ATF7IP2: variants seen among roughly 807,000 people sequenced by gnomAD.
ATF7IP2 encodes the protein activating transcription factor 7-interacting protein 2.
A neutral mutation model predicts 64.2 loss-of-function variants in ATF7IP2; 42 were observed. That is an observed-to-expected ratio of 0.65 (90% CI 0.51 to 0.85). The LOEUF (loss-of-function observed/expected upper bound fraction) is 0.85, where lower values mean the gene tolerates loss of function less well. ATF7IP2 is among the 40% of genes least tolerant of loss of function. The probability of loss-of-function intolerance (pLI) is 0.00; values close to 1 mark genes in which losing one functional copy is unlikely to be tolerated. For synonymous variants in ATF7IP2, 308 were observed against 272.8 expected, an observed-to-expected ratio of 1.13 and a Z score of -1.27; for missense variants, 933 against 784.2, an observed-to-expected ratio of 1.19 and a Z score of -2.27.
chr16:10,465,926 A>G (rs1348137598), intron 9 of ATF7IP2, among the ~76,000 whole-genome samples: 3 of 152,164 alleles, frequency 2.0e-5, no homozygotes, highest in African/African-American at 7.2e-5. Context: ...GTTGACATGT[A>G]ATATCTACTA....
rs189197049 is a variant in ATF7IP2, at chr16:10,467,347, G to A, written c.1353-4763G>A. ...AATAGCAATAATTTGAAGTACTGTA[G>A]CTTCAACCAAAGAAAAATTAAGTGA... is the stretch of plus-strand genomic sequence containing the variant. On this transcript the variant is annotated intron_variant, in intron 9 of 13. Transcript: ENST00000562102. 3.1e-4 allele frequency among the ~76,000 whole-genome samples: 47 copies of A among 152,194 alleles called. 1 individual carries two copies. Among genetic ancestry groups the A allele is most frequent in the Admixed American group, 2.7e-3 (41 of 15,286 alleles).
Position 10,480,081 on chromosome 16 carries a change from C to T in ATF7IP2, c.1550-798C>T, listed in dbSNP as rs900275900. On this transcript the variant is annotated intron_variant, in intron 12 of 13. Transcript: ENST00000562102. Reference sequence around the variant, plus strand: ...TTGGCTCACTTCAACCTCCACCTCCCGGGTTTAAGCAATTCTCTGTCTCAG... The same window carrying T: ...TTGGCTCACTTCAACCTCCACCTCCTGGGTTTAAGCAATTCTCTGTCTCAG... Among the ~76,000 whole-genome samples, 6 of 145,852 alleles carry T rather than the reference C, an allele frequency of 4.1e-5. No individual in the cohort carries two copies. In the East Asian group the frequency reaches 8.1e-4, roughly 20 times the overall value.
chr16:10,412,361 T>C (rs777472668), intron 1 of ATF7IP2, among the ~76,000 whole-genome samples: 1 of 152,158 alleles, frequency 6.6e-6, no homozygotes, highest in Non-Finnish European at 1.5e-5. Context: ...TCCCAGAAGT[T>C]TTATAGGTTG....
At chr16:10,425,791 G>T (rs1012416839) in intron 3 of ATF7IP2, among the ~76,000 whole-genome samples, 23 of 152,104 alleles carry the variant, frequency 1.5e-4, no homozygotes, top group African/African-American at 5.3e-4. Flanking sequence ...TGTTCGTGAG[G>T]CTGAGGCAGG....
Position 10,430,974 on chromosome 16 carries a change from G to A in ATF7IP2, c.354G>A (p.Lys118=), listed in dbSNP as rs146047659. Residue 118 remains lysine, a synonymous_variant, in exon 5 of 14, where the codon AAG becomes AAA. Transcript: ENST00000562102. ...KLEQVVCSYQ[K]PSRTTESPSR... is the part of the protein sequence containing the mutation. ...AACAAGTTGTTTGTTCGTACCAAAA[G>A]CCAAGTAGAACAACAGAATCCCCCA... is the stretch of plus-strand genomic sequence containing the variant. 5 of 1,614,144 alleles carry A rather than the reference G, an allele frequency of 3.1e-6. No individual in the cohort carries two copies. Among genetic ancestry groups the A allele is most frequent in the African/African-American group, 2.7e-5 (2 of 75,050 alleles).
intron 12 of ATF7IP2, 47 bp from the exon 13 acceptor site, chr16:10,480,832 G>C: frequency 5.6e-6 from 7 of 1,256,022 alleles, no homozygotes; most frequent in Non-Finnish European, 8.2e-6. Flanking sequence ...CTATGGAATT[G>C]ATTATTGCAG....
At chr16:10,409,989 G>C (rs914069923) in intron 1 of ATF7IP2, among the ~76,000 whole-genome samples, 1 of 152,284 alleles carries the variant, frequency 6.6e-6, no homozygotes, top group East Asian at 1.9e-4. Flanking sequence ...TTATAATGTA[G>C]TTTGAAGTCA....
chr16:10,388,825 A>G (rs1414325258), intron 1 of ATF7IP2, among the ~76,000 whole-genome samples: 1 of 151,992 alleles, frequency 6.6e-6, no homozygotes. Context: ...CTTGGTTAAC[A>G]TGGTGAAACC....
intron 1 of ATF7IP2, among the ~76,000 whole-genome samples, chr16:10,395,133 G>A (rs2047397685): frequency 1.3e-5 from 2 of 151,836 alleles, no homozygotes; most frequent in South Asian, 2.1e-4. Context: ...TGAATGAGGG[G>A]ACATTACTTC....
chr16:10,437,708 G>C (rs1293173705), intron 6 of ATF7IP2, among the ~76,000 whole-genome samples: 1 of 152,086 alleles, frequency 6.6e-6, no homozygotes, highest in Non-Finnish European at 1.5e-5. Flanking sequence ...ATTTTCATCA[G>C]GTGCTGGTTT....
chr16:10,428,226 T>C (rs1423876859), intron 3 of ATF7IP2, among the ~76,000 whole-genome samples: 1 of 152,228 alleles, frequency 6.6e-6, no homozygotes, highest in African/African-American at 2.4e-5. Context: ...ACTTATTTGT[T>C]GCAGGTGTTT....
intron 12 of ATF7IP2, 75 bp downstream of exon 12, chr16:10,474,064 T>C: frequency 9.9e-7 from 1 of 1,007,100 alleles, no homozygotes; most frequent in South Asian, 1.4e-5. Flanking sequence ...TGGGTCTACT[T>C]ATGAAGTTTG....
At chr16:10,388,714 T>C (rs1279626712) in intron 1 of ATF7IP2, among the ~76,000 whole-genome samples, 2 of 152,144 alleles carry the variant, frequency 1.3e-5, no homozygotes, top group African/African-American at 2.4e-5. Flanking sequence ...ACTGAAGATA[T>C]AAAAAATATT....
At chr16:10,411,116 A>G (rs772636778) in intron 1 of ATF7IP2, among the ~76,000 whole-genome samples, 16 of 152,144 alleles carry the variant, frequency 1.1e-4, no homozygotes, top group Non-Finnish European at 1.9e-4. Context: ...TCAGTTAGCT[A>G]GTATTTTGTT....
Position 10,472,169 on chromosome 16 carries a change from C to A in ATF7IP2, c.1412C>A (p.Thr471Lys). Residue 471 changes from threonine to lysine, a missense_variant, in exon 10 of 14, where the codon ACA (threonine) becomes AAA (lysine). By Grantham distance (78) the Thr-to-Lys change is moderately conservative. Coordinates refer to ENST00000562102, the MANE Select transcript of ATF7IP2 (RefSeq NM_001393719.1). ...AGTCCTAATTTGACAACTCCAATTACATCAAATCCAACAGGTATCTTATAG... is the reference window on the plus strand; with the variant it reads ...AGTCCTAATTTGACAACTCCAATTAAATCAAATCCAACAGGTATCTTATAG... ...VESPNLTTPI[T>K]SNPTDTRKIT... The A allele has an allele frequency of 6.4e-7, 1 of 1,557,376 alleles. No homozygotes were observed. The highest frequency in any genetic ancestry group is 8.8e-7 in the Non-Finnish European group (1 of 1,137,886).
chr16:10,470,410 G>A (rs1352654703), intron 9 of ATF7IP2, among the ~76,000 whole-genome samples: 1 of 152,068 alleles, frequency 6.6e-6, no homozygotes. Context: ...TAACTTTCAT[G>A]AATTCATTAA....
intron 8 of ATF7IP2, among the ~76,000 whole-genome samples, chr16:10,443,380 T>C (rs573743909): frequency 6.6e-6 from 1 of 152,272 alleles, no homozygotes; most frequent in African/African-American, 2.4e-5. Flanking sequence ...GCATGACTTA[T>C]TACCCCAGGC....
At chr16:10,428,114 G>A (rs2048126913) in intron 3 of ATF7IP2, among the ~76,000 whole-genome samples, 1 of 152,122 alleles carries the variant, frequency 6.6e-6, no homozygotes, top group South Asian at 2.1e-4. Context: ...AAAAGTAATA[G>A]AATTATAAAC....
intron 9 of ATF7IP2, among the ~76,000 whole-genome samples, chr16:10,462,358 A>ATCTCCATTTATTATTTCTTTT (rs2049403428): frequency 2.6e-5 from 4 of 151,646 alleles, no homozygotes; most frequent in Admixed American, 2.6e-4. Flanking sequence ...CCACAAGAAG[A>ATCTCCATTTATTATTTCTTTT]TCTCCATTTA....
Sources: gnomAD v4.1 joint callset for allele counts (sites outside exome capture counted in the v4.1 genomes callset) on GRCh38, gnomAD v4.1.1 for gene constraint, MANE v1.5 for transcripts, NCBI Gene and HGNC (gene_info 2026-07-23, HGNC 2026-07-21) for gene names.